Variants in COL19A1 observed in about 807,000 individuals in gnomAD.
COL19A1 encodes the protein collagen alpha-1(XIX) chain.
In COL19A1, 159 loss-of-function variants were observed where a neutral mutation model predicts 190.2. That is an observed-to-expected ratio of 0.84 (90% CI 0.73 to 0.95). COL19A1 has a LOEUF of 0.95. COL19A1 is among the 40% of genes least tolerant of loss of function. The pLI is 0.00. For missense variants in COL19A1, 1,418 were observed against 1,431.9 expected (o/e 0.99, Z 0.16); for synonymous variants, 509 against 458.9 (o/e 1.11, Z -1.39).
intron 41 of COL19A1, among the ~76,000 whole-genome samples, chr6:70,174,898 G>A (rs1407569791): frequency 6.6e-6 from 1 of 152,198 alleles, no homozygotes; most frequent in Admixed American, 6.5e-5. Flanking sequence ...GTGGTCCAAA[G>A]TTGGAACGCA....
chr6:69,895,862 T>C (rs531076943), intron 2 of COL19A1, among the ~76,000 whole-genome samples: 172 of 152,380 alleles, frequency 1.1e-3, no homozygotes, highest in African/African-American at 4.0e-3. Context: ...TTAATTATCT[T>C]GCTCCTTCTT....
intron 42 of COL19A1, among the ~76,000 whole-genome samples, chr6:70,179,496 T>C (rs1766030602): frequency 6.6e-6 from 1 of 152,224 alleles, no homozygotes; most frequent in Non-Finnish European, 1.5e-5. Context: ...ATCCAAGCCA[T>C]GGTGTAGTGA....
intron 11 of COL19A1, among the ~76,000 whole-genome samples, chr6:70,019,728 G>A (rs1455313876): frequency 6.6e-6 from 1 of 151,996 alleles, no homozygotes; most frequent in African/African-American, 2.4e-5. Flanking sequence ...TGTTGGTTTT[G>A]TTTTCAAATC....
chr6:69,872,289 T>C lies in COL19A1; in HGVS notation c.-33+5649T>C, dbSNP rs149330878. ...CTCACTGATTTATCCCCAGTGATTG[T>C]TACATAGTGGAACCTCATCCTATCA... On this transcript the variant is annotated intron_variant, in intron 1 of 50. Transcript: ENST00000620364. 1.5e-3 allele frequency among the ~76,000 whole-genome samples: 227 copies of C among 152,300 alleles called. 1 individual carries two copies. Among genetic ancestry groups the C allele is most frequent in the Middle Eastern group, 6.8e-3 (2 of 294 alleles).
rs752857777 is a variant in COL19A1 at position 70,180,345 on chromosome 6, C to T, written c.2701C>T (p.Pro901Ser). ...KPGAPGPPGVPGEPGERGPVG... is the reference protein window; with the variant it reads ...KPGAPGPPGVSGEPGERGPVG... ...TGGTGCCCCAGGGCCTCCAGGAGTT[C>T]CAGGGGAACCGGTGAGTTGGCAGTT... The change falls in exon 43 of 51, where the codon CCA (proline) becomes TCA (serine). Residue 901 changes from proline (P) to serine (S), a missense_variant. Coordinates refer to ENST00000620364, the MANE Select transcript of COL19A1 (RefSeq NM_001858.6). The T allele has an allele frequency of 3.7e-6, 6 of 1,614,122 alleles. No homozygotes were observed. Among genetic ancestry groups the T allele is most frequent in the Middle Eastern group, 1.6e-4 (1 of 6,062 alleles).
intron 11 of COL19A1, among the ~76,000 whole-genome samples, chr6:70,000,873 T>G (rs1032212394): frequency 8.5e-5 from 13 of 152,204 alleles, no homozygotes; most frequent in African/African-American, 3.1e-4. Context: ...TTTAGTATAA[T>G]TATATCCCAT....
intron 47 of COL19A1, among the ~76,000 whole-genome samples, chr6:70,188,917 G>T (rs1766691645): frequency 6.6e-6 from 1 of 152,142 alleles, no homozygotes; most frequent in East Asian, 1.9e-4. Context: ...ACCAATACCA[G>T]ATATAAAGCA....
At chr6:69,981,492 T>C (rs1776028510) in intron 11 of COL19A1, among the ~76,000 whole-genome samples, 1 of 152,114 alleles carries the variant, frequency 6.6e-6, no homozygotes, top group Non-Finnish European at 1.5e-5. Flanking sequence ...TTGTAACTTA[T>C]GATGACATAA....
chr6:70,071,451 T>C (rs1311032456), intron 15 of COL19A1, among the ~76,000 whole-genome samples: 1 of 152,202 alleles, frequency 6.6e-6, no homozygotes, highest in Non-Finnish European at 1.5e-5. Flanking sequence ...ATGTGCTTCT[T>C]ACACTTAAAA....
intron 12 of COL19A1, among the ~76,000 whole-genome samples, chr6:70,033,319 G>T (rs1279383647): frequency 1.3e-5 from 2 of 152,114 alleles, no homozygotes; most frequent in African/African-American, 4.8e-5. Flanking sequence ...GGCAGTAATA[G>T]CCGGGTCTTT....
chr6:69,955,431 G>A (rs1582513971), intron 9 of COL19A1, among the ~76,000 whole-genome samples: 2 of 151,960 alleles, frequency 1.3e-5, no homozygotes, highest in Middle Eastern at 6.8e-3. Context: ...GATTGTAGTT[G>A]ACTACAAATG....
chr6:70,067,290 G>A (rs1178135512), intron 14 of COL19A1, among the ~76,000 whole-genome samples: 2 of 152,138 alleles, frequency 1.3e-5, no homozygotes, highest in African/African-American at 2.4e-5. Flanking sequence ...CAGGAGTGGA[G>A]AGAAATGGAT....
In COL19A1 at chr6:70,161,927, G is replaced by A; in HGVS notation, c.2320G>A (p.Gly774Ser). The A allele has an allele frequency of 6.2e-7, 1 of 1,607,540 alleles. No homozygotes were observed. Among genetic ancestry groups the A allele is most frequent in the Non-Finnish European group, 8.5e-7 (1 of 1,176,872 alleles). ...EGLQGIPGIP[G>S]APGPTGPPGL... is the part of the protein sequence containing the mutation. ...TCTTCAAGGAATTCCAGGCATTCCA[G>A]GTGCTCCAGGCCCGACTGGACCCCC... The change falls in exon 35 of 51, where the codon GGT (glycine) becomes AGT (serine). Residue 774 changes from glycine (G) to serine (S), a missense_variant. Transcript: ENST00000620364.
intron 10 of COL19A1, among the ~76,000 whole-genome samples, chr6:69,962,267 C>A (rs936221640): frequency 2.0e-5 from 3 of 152,170 alleles, no homozygotes; most frequent in African/African-American, 7.2e-5. Flanking sequence ...AGCCCTCCAA[C>A]CACCAATCTT....
chr6:69,962,554 T>C (rs1331410892), intron 10 of COL19A1, among the ~76,000 whole-genome samples: 3 of 152,228 alleles, frequency 2.0e-5, no homozygotes, highest in Non-Finnish European at 4.4e-5. Flanking sequence ...AGTATTATCA[T>C]ACTTATTTTA....
intron 2 of COL19A1, among the ~76,000 whole-genome samples, chr6:69,894,140 T>C (rs1426058091): frequency 6.6e-6 from 1 of 152,256 alleles, no homozygotes; most frequent in Non-Finnish European, 1.5e-5. Context: ...GTCACTCATA[T>C]TTGGCTGAGA....
chr6:70,161,585 G>C (rs1562233132), intron 34 of COL19A1, among the ~76,000 whole-genome samples: 1 of 152,118 alleles, frequency 6.6e-6, no homozygotes, highest in Non-Finnish European at 1.5e-5. Context: ...AGGAGTATAG[G>C]CGAGGTGTGA....
At chr6:70,149,647 G>C (rs1786904177) in intron 27 of COL19A1, 57 bp from the exon 28 acceptor site, 1 of 1,597,530 alleles carries the variant, frequency 6.3e-7, no homozygotes, top group Admixed American at 1.7e-5. Flanking sequence ...ATGTCACTTG[G>C]ATAATTTATG....
At chr6:69,993,478 A>T (rs1393910217) in intron 11 of COL19A1, among the ~76,000 whole-genome samples, 1 of 152,122 alleles carries the variant, frequency 6.6e-6, no homozygotes, top group Non-Finnish European at 1.5e-5. Context: ...TCATAGGATG[A>T]GTTAGGGAGG....
Sources: gnomAD v4.1 joint callset for allele counts (sites outside exome capture counted in the v4.1 genomes callset) on GRCh38, gnomAD v4.1.1 for gene constraint, MANE v1.5 for transcripts, NCBI Gene and HGNC (gene_info 2026-07-23, HGNC 2026-07-21) for gene names.